Variants in LITAF observed in about 807,000 individuals in gnomAD.
LITAF encodes the protein lipopolysaccharide induced TNF factor.
Under a neutral mutation model 14.5 loss-of-function variants are expected in LITAF, and 9 were observed. The observed-to-expected ratio is 0.62, with a 90% CI of 0.37 to 1.08. The LOEUF (loss-of-function observed/expected upper bound fraction) is 1.08. Ranked by LOEUF, LITAF falls within the 50% of genes least tolerant of loss-of-function variation. The pLI, the probability that LITAF is intolerant of heterozygous loss-of-function variation, is 0.01. For synonymous variants in LITAF, 98 were observed against 88.2 expected, an observed-to-expected ratio of 1.11 and a Z score of -0.62; for missense variants, 206 against 213.4, an observed-to-expected ratio of 0.97 and a Z score of 0.22.
At chr16:11,604,250 T>C (rs974906756) in intron 3 of LITAF, among the ~76,000 whole-genome samples, 8 of 152,204 alleles carry the variant, frequency 5.3e-5, no homozygotes, top group Non-Finnish European at 1.2e-4. Context: ...AAATGTGGAA[T>C]ATGCTTGGTG....
At chr16:11,609,723 G>A (rs1175536779) in intron 3 of LITAF, among the ~76,000 whole-genome samples, 1 of 152,122 alleles carries the variant, frequency 6.6e-6, no homozygotes, top group East Asian at 1.9e-4. Context: ...GATGCCTGCT[G>A]TTCAAGGGAC....
intron 1 of LITAF, among the ~76,000 whole-genome samples, chr16:11,577,564 C>G (rs2064660042): frequency 6.6e-6 from 1 of 152,086 alleles, no homozygotes; most frequent in Non-Finnish European, 1.5e-5. Flanking sequence ...GTGATCTACC[C>G]ACCTCAGCCT....
chr16:11,601,471 C>G (rs2064925960), upstream of LITAF, among the ~76,000 whole-genome samples: 1 of 152,210 alleles, frequency 6.6e-6, no homozygotes, highest in Non-Finnish European at 1.5e-5. Flanking sequence ...TTGACCCAAA[C>G]TCTTTCTGAA....
upstream of LITAF, among the ~76,000 whole-genome samples, chr16:11,599,785 C>T (rs76935804): frequency 0.025 from 3,776 of 152,204 alleles, 113 homozygotes; most frequent in East Asian, 0.16. Context: ...CCAGCTGTTT[C>T]AGAACTGTCC....
rs923842675 is a variant in LITAF, at chr16:11,548,703, T to C, written c.*934A>G. ...CTTGAAATTATGTTCAGGCCCAGCA[T>C]GGTAGCTTATGCCTGCAATCCCAGC... On this transcript the variant is annotated 3_prime_UTR_variant, in exon 4 of 4. Transcript: ENST00000622633. 2 of 453,814 alleles carry C rather than the reference T, an allele frequency of 4.4e-6. No homozygotes were observed. The highest frequency in any genetic ancestry group is 1.6e-5 in the South Asian group (1 of 64,386). 28.1% of individuals were successfully genotyped at this position (453,814 alleles called of 1,614,324 possible).
intron 1 of LITAF, among the ~76,000 whole-genome samples, chr16:11,572,534 C>T (rs1374934114): frequency 2.0e-5 from 3 of 152,142 alleles, no homozygotes; most frequent in Non-Finnish European, 2.9e-5. Flanking sequence ...CATCACACAC[C>T]GGCTGACTGA....
chr16:11,551,206 T>C (rs148161455), intron 3 of LITAF, among the ~76,000 whole-genome samples: 48 of 152,222 alleles, frequency 3.2e-4, no homozygotes, highest in African/African-American at 1.1e-3. Flanking sequence ...ATGAAAGAAA[T>C]TTCCTCCTAT....
chr16:11,613,727 G>A (rs567173024), intron 3 of LITAF, among the ~76,000 whole-genome samples: 41 of 152,330 alleles, frequency 2.7e-4, no homozygotes, highest in African/African-American at 9.4e-4. Context: ...AGGGTGTGGC[G>A]TGTGCCGGCT....
At chr16:11,602,099 C>T (rs1055463674), upstream of LITAF, among the ~76,000 whole-genome samples, 14 of 152,178 alleles carry the variant, frequency 9.2e-5, no homozygotes, top group African/African-American at 3.1e-4. Flanking sequence ...GTGGCTCATG[C>T]CTGTCATCTC....
chr16:11,560,331 C>G (rs1276542534), intron 1 of LITAF, among the ~76,000 whole-genome samples: 2 of 151,406 alleles, frequency 1.3e-5, no homozygotes, highest in East Asian at 2.0e-4. Context: ...AATGTGGCGG[C>G]CAGGCACGGT....
At position 11,548,857 on chromosome 16, in the gene LITAF, A is replaced by G. The variant is rs1317746012; in HGVS notation, c.*780T>C. On this transcript the variant is annotated 3_prime_UTR_variant, in exon 4 of 4. Transcript: ENST00000622633. ...ATTCTGTTCAAAAGTATTTCAGACC[A>G]AAAGGAGGTCATAAAAACTGTTCAT... 1.8e-5 allele frequency: 8 copies of G among 453,738 alleles called. No homozygotes were observed. Among genetic ancestry groups the G allele is most frequent in the Non-Finnish European group, 3.5e-5 (8 of 226,758 alleles). The allele number at this position is 453,738 out of a possible 1,614,324, so 28.1% of individuals were successfully genotyped here.
At position 11,548,292 on chromosome 16, in the gene LITAF, C is replaced by G. The variant is rs1162572220; in HGVS notation, c.*1345G>C. On this transcript the variant is annotated 3_prime_UTR_variant, in exon 4 of 4. Transcript: ENST00000622633. ...TTGACTTCAAAGATGACACAGCAGC[C>G]AACCTAGAATCCTGGCTTGCTGCTT... 1 of 453,860 alleles carries G rather than the reference C, an allele frequency of 2.2e-6. No homozygotes were observed. The highest frequency in any genetic ancestry group is 2.0e-5 in the African/African-American group (1 of 49,980). 28.1% of individuals were successfully genotyped at this position (453,860 alleles called of 1,614,324 possible).
At position 11,634,370 on chromosome 16, in the gene LITAF, A is replaced by T. The variant is rs998775160; in HGVS notation, c.-20-733T>A. ...TAATGATTCCCTTCCCCAAAACTCA[A>T]CCGCCTTTGTGAAGGTAACAAAAGG... On this transcript the variant is annotated intron_variant, in intron 2 of 3. Transcript: ENST00000574848. This position sits in a 1 kb window ranked among gnomAD's most constrained non-coding sequence, Gnocchi z 4.1. Among the ~76,000 whole-genome samples, 1 of 152,136 alleles carries T rather than the reference A, an allele frequency of 6.6e-6. No homozygotes were observed. Among genetic ancestry groups the T allele is most frequent in the Non-Finnish European group, 1.5e-5 (1 of 68,028 alleles).
chr16:11,638,434 G>A (rs2065151812), upstream of LITAF, among the ~76,000 whole-genome samples: 1 of 151,880 alleles, frequency 6.6e-6, no homozygotes, highest in Non-Finnish European at 1.5e-5. Context: ...TGGGTATGGT[G>A]GCTCACGCCT....
At chr16:11,568,794 G>C (rs759930008) in intron 1 of LITAF, among the ~76,000 whole-genome samples, 1 of 150,270 alleles carries the variant, frequency 6.7e-6, no homozygotes, top group Non-Finnish European at 1.5e-5. Flanking sequence ...ATTCTCTCAC[G>C]TCAGCTTCCT....
At chr16:11,617,207 G>A (rs899457414) in intron 3 of LITAF, among the ~76,000 whole-genome samples, 9 of 151,838 alleles carry the variant, frequency 5.9e-5, no homozygotes, top group East Asian at 1.9e-4. Flanking sequence ...GTGACAGAGC[G>A]AGACTCCAAC....
chr16:11,588,751 C>G (rs936411039), upstream of LITAF, among the ~76,000 whole-genome samples: 1 of 152,060 alleles, frequency 6.6e-6, no homozygotes, highest in Non-Finnish European at 1.5e-5. Flanking sequence ...GGAGACATAA[C>G]ACCTAGGGAA....
intron 1 of LITAF, among the ~76,000 whole-genome samples, chr16:11,596,961 A>G (rs2064893236): frequency 6.6e-6 from 1 of 152,116 alleles, no homozygotes; most frequent in South Asian, 2.1e-4. Context: ...CAGCTGTTTT[A>G]CAGATTAGGC....
At chr16:11,608,441 A>T (rs1385162062) in intron 3 of LITAF, among the ~76,000 whole-genome samples, 1 of 152,256 alleles carries the variant, frequency 6.6e-6, no homozygotes, top group Non-Finnish European at 1.5e-5. Context: ...AGCTTGCTTA[A>T]GAGTTGGGAA....
Sources: gnomAD v4.1 joint callset for allele counts (sites outside exome capture counted in the v4.1 genomes callset) on GRCh38, gnomAD v4.1.1 for gene constraint, Gnocchi (gnomAD v3.1) non-coding constraint, MANE v1.5 for transcripts, NCBI Gene and HGNC (gene_info 2026-07-23, HGNC 2026-07-21) for gene names.